The following ATOSA variants were observed in gnomAD, a reference collection of about 807,000 sequenced individuals.
ATOSA encodes the protein atos homolog protein A.
chr15:52,617,061 A>G, the ATOSA span, among the ~76,000 whole-genome samples: 2 of 152,220 alleles, frequency 1.3e-5, no homozygotes, highest in African/African-American at 4.8e-5. Context: ...TAGTCTATAA[A>G]TGAGAATTAT....
At chr15:52,582,448 T>G in the ATOSA span, 4 of 690,366 alleles carry the variant, frequency 5.8e-6, no homozygotes, top group African/African-American at 7.6e-5. Flanking sequence ...ATATTTAAGA[T>G]CTTTCTAAAG....
chr15:52,629,128 A>T, the ATOSA span, among the ~76,000 whole-genome samples: 2 of 152,332 alleles, frequency 1.3e-5, no homozygotes, highest in Admixed American at 1.3e-4. Context: ...TTGTGGAGTT[A>T]AGAGTTTTTT....
chr15:52,648,948 T>A, the ATOSA span, among the ~76,000 whole-genome samples: 1 of 152,144 alleles, frequency 6.6e-6, no homozygotes, highest in Non-Finnish European at 1.5e-5. Context: ...CAGAAAGATA[T>A]TTCCAGTTTC....
the ATOSA span, among the ~76,000 whole-genome samples, chr15:52,597,640 T>C: frequency 6.6e-6 from 1 of 152,132 alleles, no homozygotes; most frequent in African/African-American, 2.4e-5. Flanking sequence ...TTTCCAATGG[T>C]TGTATTATGC....
At chr15:52,614,331 C>G in the ATOSA span, among the ~76,000 whole-genome samples, 2 of 151,446 alleles carry the variant, frequency 1.3e-5, no homozygotes, top group Non-Finnish European at 2.9e-5. Context: ...GTCTCGAACT[C>G]CTGACCTCCG....
the ATOSA span, among the ~76,000 whole-genome samples, chr15:52,629,495 G>T: frequency 6.6e-6 from 1 of 150,398 alleles, no homozygotes; most frequent in Non-Finnish European, 1.5e-5. Context: ...CTCAGTGGAG[G>T]TAAGGGTAGT....
the ATOSA span, among the ~76,000 whole-genome samples, chr15:52,681,503 AT>A: frequency 1.8e-3 from 278 of 152,332 alleles, 1 homozygote; most frequent in East Asian, 0.026. Flanking sequence ...TCCTATGATT[AT>A]GTAACACATG....
the ATOSA span, among the ~76,000 whole-genome samples, chr15:52,634,854 G>C: frequency 6.6e-6 from 1 of 151,978 alleles, no homozygotes; most frequent in Non-Finnish European, 1.5e-5. Context: ...CGCTCATCTT[G>C]GCCTCCCAAA....
the ATOSA span, among the ~76,000 whole-genome samples, chr15:52,613,132 C>G: frequency 6.6e-6 from 1 of 152,006 alleles, no homozygotes; most frequent in Non-Finnish European, 1.5e-5. Context: ...CTTTGGGAGG[C>G]TGAGGAGGGC....
At chr15:52,676,406 T>C in the ATOSA span, among the ~76,000 whole-genome samples, 1 of 152,018 alleles carries the variant, frequency 6.6e-6, no homozygotes, top group Non-Finnish European at 1.5e-5. Flanking sequence ...GAATAGAAAA[T>C]ACAACATTAC....
chr15:52,649,631 T>G, the ATOSA span: 1 of 152,128 alleles, frequency 6.6e-6, no homozygotes, highest in Non-Finnish European at 1.5e-5. Flanking sequence ...AGAATTAAAG[T>G]ATTTTTCCAT....
At chr15:52,629,564 C>G in the ATOSA span, 1 of 336,262 alleles carries the variant, frequency 3.0e-6, no homozygotes. Flanking sequence ...AGCACTTTGG[C>G]AGGCTGAGGA....
chr15:52,596,827 C>T, the ATOSA span, among the ~76,000 whole-genome samples: 1 of 152,142 alleles, frequency 6.6e-6, no homozygotes, highest in South Asian at 2.1e-4. Flanking sequence ...GAAAATTCGA[C>T]ATCAAAAAAC....
the ATOSA span, among the ~76,000 whole-genome samples, chr15:52,618,274 C>T: frequency 6.6e-6 from 1 of 152,116 alleles, no homozygotes; most frequent in African/African-American, 2.4e-5. Flanking sequence ...CTCCTTACTT[C>T]GTGATCCACC....
At chr15:52,584,729 T>A in the ATOSA span, 1 of 1,596,070 alleles carries the variant, frequency 6.3e-7, no homozygotes, top group Admixed American at 1.8e-5. Context: ...ATTTTCATAT[T>A]AATTTGAAGC....
chr15:52,665,755 C>A, the ATOSA span, among the ~76,000 whole-genome samples: 2 of 152,128 alleles, frequency 1.3e-5, no homozygotes, highest in Non-Finnish European at 2.9e-5. Flanking sequence ...AAAGCTTGTA[C>A]ACATGAAAAT....
At chr15:52,614,251 A>T in the ATOSA span, among the ~76,000 whole-genome samples, 1 of 151,960 alleles carries the variant, frequency 6.6e-6, no homozygotes, top group East Asian at 2.0e-4. Context: ...GATTACAGGC[A>T]TGTGCCACCA....
At chr15:52,648,402 T>C in the ATOSA span, among the ~76,000 whole-genome samples, 4 of 152,184 alleles carry the variant, frequency 2.6e-5, no homozygotes, top group African/African-American at 7.2e-5. Flanking sequence ...ATGTATATGA[T>C]GTGTAATGAT....
At chr15:52,647,241 TAAA>T in the ATOSA span, among the ~76,000 whole-genome samples, 53 of 150,810 alleles carry the variant, frequency 3.5e-4, no homozygotes, top group East Asian at 7.8e-4. Flanking sequence ...TTAGTTTATG[TAAA>T]AAAAAAAAAA....
Sources: gnomAD v4.1 joint callset for allele counts (sites outside exome capture counted in the v4.1 genomes callset) on GRCh38, gnomAD v4.1.1 for gene constraint, MANE v1.5 for transcripts, NCBI Gene and HGNC (gene_info 2026-07-23, HGNC 2026-07-21) for gene names.